The following GABRA4 variants were observed in gnomAD, a reference collection of about 807,000 sequenced individuals.
GABRA4 encodes the protein gamma-aminobutyric acid type A receptor subunit alpha4.
A neutral mutation model predicts 49.7 loss-of-function variants in GABRA4; 12 were observed. The observed-to-expected ratio is 0.24, with a 90% CI of 0.15 to 0.39. The LOEUF is 0.39. Ranked by LOEUF, GABRA4 falls within the 10% of genes least tolerant of loss-of-function variation. The pLI, the probability that GABRA4 is intolerant of heterozygous loss-of-function variation, is 1.00. For missense variants in GABRA4, 506 were observed against 686.0 expected, an observed-to-expected ratio of 0.74 and a Z score of 2.93; for synonymous variants, 288 against 240.2, an observed-to-expected ratio of 1.20 and a Z score of -1.84.
intron 8 of GABRA4, among the ~76,000 whole-genome samples, chr4:46,959,423 T>C (rs1722478932): frequency 6.6e-6 from 1 of 151,984 alleles, no homozygotes; most frequent in South Asian, 2.1e-4. Flanking sequence ...TTTAAAGTCT[T>C]TCCCAATGAT....
Position 46,919,637 on chromosome 4 carries a change from T to G in GABRA4, c.*8588A>C, listed in dbSNP as rs1393356885. ...TAAGGAATATTTTCAATTGTACAACTAAACAAACAATTTTAAAATTATTCA... is the reference window on the plus strand; with the variant it reads ...TAAGGAATATTTTCAATTGTACAACGAAACAAACAATTTTAAAATTATTCA... On this transcript the variant is annotated 3_prime_UTR_variant, in exon 9 of 9. Transcript: ENST00000264318. The G allele has an allele frequency of 6.6e-6, 1 of 151,596 alleles. No homozygotes were observed. The highest frequency in any genetic ancestry group is 2.4e-5 in the African/African-American group (1 of 41,428). The allele number at this position is 151,596 out of a possible 1,614,324, so 9.4% of individuals were successfully genotyped here. A position where few individuals can be genotyped will look rare whatever the true frequency, so the allele number is the denominator to read the frequency against.
intron 8 of GABRA4, among the ~76,000 whole-genome samples, chr4:46,956,527 C>T (rs777911464): frequency 4.6e-5 from 7 of 151,982 alleles, no homozygotes; most frequent in South Asian, 2.1e-4. Context: ...CAGCTGTTTG[C>T]GTAGATTTGC....
chr4:46,962,236 A>G (rs1722601095), intron 8 of GABRA4, among the ~76,000 whole-genome samples: 1 of 151,492 alleles, frequency 6.6e-6, no homozygotes, highest in South Asian at 2.1e-4. Context: ...AAACTATTAG[A>G]ACGGATAAGC....
rs1721060231 is a variant in GABRA4, at chr4:46,922,229, A to G, written c.*5996T>C. ...AAGAAAGTAAAACAGAGAGTTTTAC[A>G]CTGTGAACTACATAGGCCGCCCAAA... On this transcript the variant is annotated 3_prime_UTR_variant, in exon 9 of 9. Transcript: ENST00000264318. 1 of 152,290 alleles carries G rather than the reference A, an allele frequency of 6.6e-6. No homozygotes were observed. The highest frequency in any genetic ancestry group is 2.1e-4 in the South Asian group (1 of 4,830). The allele number at this position is 152,290 out of a possible 1,614,324, so 9.4% of individuals were successfully genotyped here.
intron 2 of GABRA4, among the ~76,000 whole-genome samples, chr4:46,985,618 A>G (rs1723506361): frequency 6.6e-6 from 1 of 151,996 alleles, no homozygotes; most frequent in African/African-American, 2.4e-5. Flanking sequence ...TTCTCATCTA[A>G]AAGAAATCTA....
At chr4:46,971,383 G>A in intron 6 of GABRA4, 148 bp from the exon 7 acceptor site, 1 of 694,592 alleles carries the variant, frequency 1.4e-6, no homozygotes, top group Non-Finnish European at 2.5e-6. Context: ...TAAGTATGTA[G>A]TTTCCTAACG....
intron 8 of GABRA4, among the ~76,000 whole-genome samples, chr4:46,956,947 T>C (rs1006679270): frequency 1.3e-5 from 2 of 152,060 alleles, no homozygotes; most frequent in African/African-American, 4.8e-5. Context: ...GCCATAGCGC[T>C]AAATAAGTAC....
At chr4:46,992,975 C>T in intron 1 of GABRA4, 29 bp from the exon 2 acceptor site, 1 of 1,443,688 alleles carries the variant, frequency 6.9e-7, no homozygotes, top group South Asian at 1.1e-5. Context: ...AAACCGGGGG[C>T]GGAGGAGATT....
chr4:46,976,338 C>T (rs536718602), intron 5 of GABRA4, among the ~76,000 whole-genome samples: 1 of 118,188 alleles, frequency 8.5e-6, no homozygotes, highest in Non-Finnish European at 1.7e-5. Flanking sequence ...ACTCCAGCCT[C>T]TCTACCACCC....
intron 8 of GABRA4, among the ~76,000 whole-genome samples, chr4:46,932,753 A>G (rs961878196): frequency 6.6e-6 from 1 of 152,122 alleles, no homozygotes; most frequent in South Asian, 2.1e-4. Flanking sequence ...TTAACCTACC[A>G]GTCTTATTTT....
chr4:46,951,706 T>G (rs1722176908), intron 8 of GABRA4, among the ~76,000 whole-genome samples: 1 of 151,928 alleles, frequency 6.6e-6, no homozygotes, highest in South Asian at 2.1e-4. Flanking sequence ...TTAATATGTA[T>G]AATAAAATAC....
intron 8 of GABRA4, among the ~76,000 whole-genome samples, chr4:46,930,100 G>A (rs1430177044): frequency 2.6e-5 from 4 of 152,042 alleles, no homozygotes; most frequent in Non-Finnish European, 5.9e-5. Flanking sequence ...AGGAAAAACA[G>A]CCTCACAAAA....
intron 8 of GABRA4, among the ~76,000 whole-genome samples, chr4:46,942,642 A>AAG (rs577021614): frequency 6.6e-6 from 1 of 151,766 alleles, no homozygotes; most frequent in Non-Finnish European, 1.5e-5. Flanking sequence ...AAAAAAAAAA[A>AAG]AATTATGTCT....
intron 8 of GABRA4, among the ~76,000 whole-genome samples, chr4:46,939,441 G>A (rs1721717277): frequency 6.6e-6 from 1 of 151,934 alleles, no homozygotes; most frequent in Non-Finnish European, 1.5e-5. Flanking sequence ...CCATGAGATA[G>A]TACTAATGTT....
chr4:46,965,881 G>C (rs932791595), intron 7 of GABRA4, among the ~76,000 whole-genome samples: 1 of 151,698 alleles, frequency 6.6e-6, no homozygotes, highest in African/African-American at 2.4e-5. Flanking sequence ...ATTACTGGAC[G>C]AATAGATTTC....
chr4:46,988,727 G>C (rs1723630954), intron 2 of GABRA4, among the ~76,000 whole-genome samples: 1 of 152,116 alleles, frequency 6.6e-6, no homozygotes. Flanking sequence ...CTTATTTTAA[G>C]GTCCTACTTA....
Position 46,928,065 on chromosome 4 carries a change from C to A in GABRA4, c.*160G>T. 1.7e-6 allele frequency: 1 copy of A among 604,320 alleles called. No homozygotes were observed. The highest frequency in any genetic ancestry group is 2.7e-6 in the Non-Finnish European group (1 of 374,000). 37.4% of individuals were successfully genotyped at this position (604,320 alleles called of 1,614,324 possible). On this transcript the variant is annotated 3_prime_UTR_variant, in exon 9 of 9. Transcript: ENST00000264318. ...AAAAAACATAGTTCACTTTTTCACT[C>A]AGGAATTAATTAACTCTCCCAATAA...
rs1031295365 is a variant in GABRA4, at chr4:46,927,372, G to T, written c.*853C>A. The T allele has an allele frequency of 2.0e-5, 3 of 152,462 alleles. No individual in the cohort carries two copies. The highest frequency in any genetic ancestry group is 7.2e-5 in the African/African-American group (3 of 41,428). The allele number at this position is 152,462 out of a possible 1,614,324, so 9.4% of individuals were successfully genotyped here. The stretch of plus-strand genomic sequence containing the variant: ...CTCTAAATAAATGTCCTTCACTAAA[G>T]AATGCAATGTCCTCTGCTAGTTTAT... On this transcript the variant is annotated 3_prime_UTR_variant, in exon 9 of 9. Transcript: ENST00000264318.
intron 2 of GABRA4, among the ~76,000 whole-genome samples, chr4:46,992,296 A>G (rs1295537722): frequency 6.6e-6 from 1 of 152,222 alleles, no homozygotes; most frequent in Non-Finnish European, 1.5e-5. Flanking sequence ...GAAAGGGAAA[A>G]AAGAAAAGCA....
Sources: gnomAD v4.1 joint callset for allele counts (sites outside exome capture counted in the v4.1 genomes callset) on GRCh38, gnomAD v4.1.1 for gene constraint, MANE v1.5 for transcripts, NCBI Gene and HGNC (gene_info 2026-07-23, HGNC 2026-07-21) for gene names.